The following NAF1 variants were observed in gnomAD, a reference collection of about 807,000 sequenced individuals.
The protein encoded by NAF1 is nuclear assembly factor 1 ribonucleoprotein, also known as H/ACA ribonucleoprotein complex non-core subunit NAF1.
Under a neutral mutation model 40.6 loss-of-function variants are expected in NAF1, and 11 were observed. That is an observed-to-expected ratio of 0.27 (90% CI 0.17 to 0.45). NAF1 has a LOEUF of 0.45. Ranked by LOEUF, NAF1 falls within the 20% of genes least tolerant of loss-of-function variation. The pLI is 1.00. For missense variants in NAF1, 607 were observed against 611.1 expected (o/e 0.99, Z 0.07); for synonymous variants, 260 against 228.5 (o/e 1.14, Z -1.24).
At chr4:163,136,597 A>G (rs968975718) in intron 6 of NAF1, among the ~76,000 whole-genome samples, 1 of 152,058 alleles carries the variant, frequency 6.6e-6, no homozygotes, top group Non-Finnish European at 1.5e-5. Context: ...TAACTTATTT[A>G]CATATTATTC....
At chr4:163,131,523 T>TA (rs1730874310) in intron 7 of NAF1, among the ~76,000 whole-genome samples, 1 of 152,074 alleles carries the variant, frequency 6.6e-6, no homozygotes. Context: ...AAAAGAGAAA[T>TA]AAAGTAGGAG....
chr4:163,138,104 T>C (rs1336340878), intron 5 of NAF1, among the ~76,000 whole-genome samples: 1 of 152,176 alleles, frequency 6.6e-6, no homozygotes, highest in Non-Finnish European at 1.5e-5. Flanking sequence ...GATGTCCTTA[T>C]TGTTTTAAAC....
At chr4:163,116,192 C>T (rs956953474) in intron 2 of NAF1, among the ~76,000 whole-genome samples, 7 of 152,124 alleles carry the variant, frequency 4.6e-5, no homozygotes, top group African/African-American at 1.7e-4. Flanking sequence ...CAGTTTCCAA[C>T]TAATTAATAG....
chr4:163,155,088 A>G (rs1731923479), intron 2 of NAF1, among the ~76,000 whole-genome samples: 2 of 152,224 alleles, frequency 1.3e-5, no homozygotes, highest in African/African-American at 2.4e-5. Context: ...ACAAGGTAAT[A>G]TAAGATTTTT....
intron 2 of NAF1, 33 bp downstream of exon 2, chr4:163,164,184 T>C (rs778910443): frequency 2.0e-6 from 3 of 1,477,126 alleles, no homozygotes; most frequent in East Asian, 5.0e-5. Context: ...TTTTAAAACA[T>C]GCAAACTAAG....
chr4:163,127,258 T>A (rs569944076), downstream of NAF1: 2 of 1,223,132 alleles, frequency 1.6e-6, no homozygotes, highest in Admixed American at 3.4e-5. Flanking sequence ...GCCTCCCGAG[T>A]AGCTGGGATT....
At chr4:163,147,203 T>C (rs1730244239) in intron 3 of NAF1, among the ~76,000 whole-genome samples, 1 of 152,138 alleles carries the variant, frequency 6.6e-6, no homozygotes, top group Non-Finnish European at 1.5e-5. Context: ...AAGTACAAAA[T>C]TATGTAAGTG....
intron 2 of NAF1, among the ~76,000 whole-genome samples, chr4:163,120,206 A>C (rs1730476338): frequency 6.6e-6 from 1 of 152,198 alleles, no homozygotes; most frequent in African/African-American, 2.4e-5. Context: ...AACACTTGAA[A>C]AGCTGCAATA....
chr4:163,151,106 T>TTA (rs530980927), intron 2 of NAF1, among the ~76,000 whole-genome samples: 2 of 148,366 alleles, frequency 1.3e-5, no homozygotes, highest in African/African-American at 2.5e-5. Flanking sequence ...TATTAATTTA[T>TTA]AAAAAAAAAA....
At chr4:163,109,174 T>C (rs1000559875), downstream of NAF1, among the ~76,000 whole-genome samples, 1 of 151,642 alleles carries the variant, frequency 6.6e-6, no homozygotes, top group African/African-American at 2.4e-5. Flanking sequence ...TTTTTTTTTT[T>C]TTCACATGGA....
chr4:163,107,499 A>G (rs565891523), downstream of NAF1, among the ~76,000 whole-genome samples: 1 of 152,286 alleles, frequency 6.6e-6, no homozygotes, highest in African/African-American at 2.4e-5. Context: ...TTTCAGGTTT[A>G]GATCGTCTTG....
At chr4:163,162,012 C>A (rs1321428344) in intron 2 of NAF1, among the ~76,000 whole-genome samples, 1 of 152,000 alleles carries the variant, frequency 6.6e-6, no homozygotes, top group Admixed American at 6.6e-5. Context: ...CCTACACACT[C>A]GCCTACACAA....
Position 163,164,322 on chromosome 4 carries a change from A to C in NAF1, c.435T>G (p.Ser145=). The change falls in exon 2 of 8, where the codon TCT becomes TCG. Residue 145 remains serine (S), a synonymous_variant. Transcript: ENST00000274054. ...ACAGCACTGGAGGAAGTGATATACA[A>C]GAGGAAGAAGACGACGATGAGGAAG... ...SSSSSSSSSS[S]CISLPPVLSD... is the part of the protein sequence containing the mutation. 6.2e-7 allele frequency: 1 copy of C among 1,602,576 alleles called. No individual in the cohort carries two copies. Among genetic ancestry groups the C allele is most frequent in the Non-Finnish European group, 8.5e-7 (1 of 1,175,452 alleles).
chr4:163,149,994 C>A (rs951162422), intron 2 of NAF1, among the ~76,000 whole-genome samples: 2 of 151,896 alleles, frequency 1.3e-5, no homozygotes, highest in Non-Finnish European at 1.5e-5. Flanking sequence ...ATTTGCTAAT[C>A]CAGAAGTACA....
intron 2 of NAF1, among the ~76,000 whole-genome samples, chr4:163,151,338 T>A (rs1731693674): frequency 6.6e-6 from 1 of 151,718 alleles, no homozygotes; most frequent in African/African-American, 2.4e-5. Flanking sequence ...TCACTGAAAA[T>A]TCACTATTGT....
rs1244115091 is a variant in NAF1, at chr4:163,166,544, C to A, written c.184G>T (p.Ala62Ser). The A allele has an allele frequency of 1.3e-6, 2 of 1,587,022 alleles. No individual in the cohort carries two copies. The highest frequency in any genetic ancestry group is 1.1e-5 in the South Asian group (1 of 87,872). Reference sequence around the variant, plus strand: ...ACGGGCTGCAGAGGCTGCTCCCCGGCAGGCTTAACCTCCACGGTCTGCCCA... The same window carrying A: ...ACGGGCTGCAGAGGCTGCTCCCCGGAAGGCTTAACCTCCACGGTCTGCCCA... ...DAGQTVEVKPAGEQPLQPVLN... is the reference protein window; with the variant it reads ...DAGQTVEVKPSGEQPLQPVLN... Residue 62 changes from alanine to serine, a missense_variant, in exon 1 of 8, where the codon GCC becomes TCC. Transcript: ENST00000274054.
At chr4:163,164,630 CAAT>C (rs1732377340) in intron 1 of NAF1, among the ~76,000 whole-genome samples, 1 of 152,042 alleles carries the variant, frequency 6.6e-6, no homozygotes, top group East Asian at 1.9e-4. Flanking sequence ...TTTAGTTTAC[CAAT>C]AACATTTTCA....
chr4:163,140,354 A>G lies in NAF1; in HGVS notation c.747T>C (p.His249=). Residue 249 remains histidine (H), a synonymous_variant, in exon 5 of 8, where the codon CAT becomes CAC. Coordinates refer to ENST00000274054, the MANE Select transcript of NAF1 (RefSeq NM_138386.3). The part of the protein sequence containing the change: ...KIFEIFGPVA[H]PFYVLRFNSS... ...AATTAAACCGTAACACATAAAATGG[A>G]TGTGCAACAGGTCCAAATATCTCGA... is the stretch of plus-strand genomic sequence containing the variant. 1 of 1,606,928 alleles carries G rather than the reference A, an allele frequency of 6.2e-7. No individual in the cohort carries two copies. The highest frequency in any genetic ancestry group is 8.5e-7 in the Non-Finnish European group (1 of 1,177,730).
At chr4:163,147,441 C>T (rs953143616) in intron 3 of NAF1, among the ~76,000 whole-genome samples, 8 of 152,122 alleles carry the variant, frequency 5.3e-5, no homozygotes, top group African/African-American at 1.9e-4. Flanking sequence ...TATCCTACTA[C>T]GAGTTAATAG....
Sources: allele counts gnomAD v4.1 joint callset (sites outside exome capture counted in the v4.1 genomes callset), GRCh38; gene constraint gnomAD v4.1.1; transcripts MANE v1.5; gene names NCBI Gene and HGNC (gene_info 2026-07-23, HGNC 2026-07-21).